The following LHX1 variants were observed in gnomAD, a reference collection of about 807,000 sequenced individuals.
LHX1 encodes the protein LIM/homeobox protein Lhx1.
A neutral mutation model predicts 34.1 loss-of-function variants in LHX1; 9 were observed. The observed-to-expected ratio is 0.26, with a 90% CI of 0.16 to 0.46. The LOEUF is 0.46. Among genes scored for constraint, LHX1 ranks in the 20% least tolerant of loss-of-function variants. The pLI, the probability that LHX1 is intolerant of heterozygous loss-of-function variation, is 1.00. For synonymous variants in LHX1, 254 were observed against 241.5 expected (o/e 1.05, Z -0.48); for missense variants, 446 against 559.1 (o/e 0.80, Z 2.04).
Position 36,938,128 on chromosome 17 carries a change from C to A in LHX1, c.-70C>A. On this transcript the variant is annotated 5_prime_UTR_variant, in exon 1 of 5. Transcript: ENST00000614239. ...CTGGGGAGCTCGTGCCGATTGTCTT[C>A]AGGAGTCATCCCCTGGGCTCTACTT... 1 of 1,497,284 alleles carries A rather than the reference C, an allele frequency of 6.7e-7. No homozygotes were observed. The highest frequency in any genetic ancestry group is 9.3e-7 in the Non-Finnish European group (1 of 1,076,814). The allele number at this position is 1,497,284 out of a possible 1,614,324, so 92.7% of individuals were successfully genotyped here. A position where few individuals can be genotyped will look rare whatever the true frequency, so the allele number is the denominator to read the frequency against.
Position 36,938,190 on chromosome 17 carries a change from C to G in LHX1, c.-8C>G. 4 of 1,613,412 alleles carry G rather than the reference C, an allele frequency of 2.5e-6. No homozygotes were observed. The highest frequency in any genetic ancestry group is 3.4e-6 in the Non-Finnish European group (4 of 1,180,024). ...CTCTCTGGGCCTCATCAGACCAAAC[C>G]AAAGACCATGGTTCACTGTGCCGGC... On this transcript the variant is annotated 5_prime_UTR_variant, in exon 1 of 5. Coordinates refer to ENST00000614239, the MANE Select transcript of LHX1 (RefSeq NM_005568.5).
Position 36,942,197 on chromosome 17 carries a change from C to T in LHX1, c.676-3C>T, listed in dbSNP as rs1168818991. 6.3e-7 allele frequency: 1 copy of T among 1,589,432 alleles called. No homozygotes were observed. Among genetic ancestry groups the T allele is most frequent in the Non-Finnish European group, 8.5e-7 (1 of 1,174,902 alleles). On this transcript the variant is annotated splice_polypyrimidine_tract_variant and splice_region_variant and intron_variant, in intron 3 of 4. Transcript: ENST00000614239. The stretch of plus-strand genomic sequence containing the variant: ...GGCCTCACCCCGCCGCCATGTGCTG[C>T]AGGTCTGGTTCCAGAACCGGCGCTC...
chr17:36,942,880 C>G lies in LHX1; in HGVS notation c.970C>G (p.Leu324Val), dbSNP rs754950912. ...GTCATCTGGGCCGTCCGGGACGCCC[C>G]TGGGTGGCCTGGAGCACCCGCTGCC... The part of the protein sequence containing the change: ...VPSSGPSGTP[L>V]GGLEHPLPGH... Residue 324 changes from leucine (L) to valine (V), a missense_variant, in exon 5 of 5, where the codon CTG becomes GTG. Coordinates refer to ENST00000614239, the MANE Select transcript of LHX1 (RefSeq NM_005568.5). The G allele has an allele frequency of 1.3e-6, 2 of 1,594,184 alleles. No individual in the cohort carries two copies. Among genetic ancestry groups the G allele is most frequent in the Non-Finnish European group, 1.7e-6 (2 of 1,170,328 alleles).
Position 36,944,357 on chromosome 17 carries a change from G to A in LHX1, c.*1226G>A, listed in dbSNP as rs974319076. The A allele has an allele frequency of 6.6e-5, 10 of 150,662 alleles. No individual in the cohort carries two copies. The highest frequency in any genetic ancestry group is 2.4e-4 in the African/African-American group (10 of 40,984). The allele number at this position is 150,662 out of a possible 1,614,324, so 9.3% of individuals were successfully genotyped here. On this transcript the variant is annotated 3_prime_UTR_variant, in exon 5 of 5. Coordinates refer to ENST00000614239, the MANE Select transcript of LHX1 (RefSeq NM_005568.5). The stretch of plus-strand genomic sequence containing the variant: ...TGAACATTCATGGAATTGTTAATAT[G>A]ACTTATATAGACCCACACAGGTTTT...
rs1392936544 is a variant in LHX1 at position 36,937,908 on chromosome 17, G to T, written c.-290G>T. ...GAGCAGAAGGGTCGCATTCTCTCCCGCCTGAGACTTCTTTTCCTCGCCCCG... is the reference window on the plus strand; with the variant it reads ...GAGCAGAAGGGTCGCATTCTCTCCCTCCTGAGACTTCTTTTCCTCGCCCCG... On this transcript the variant is annotated 5_prime_UTR_variant, in exon 1 of 5. Transcript: ENST00000614239. 4 of 591,000 alleles carry T rather than the reference G, an allele frequency of 6.8e-6. No homozygotes were observed. In the Admixed American group the frequency reaches 7.9e-5, roughly 12 times the overall value. The allele number at this position is 591,000 out of a possible 1,614,324, so 36.6% of individuals were successfully genotyped here.
chr17:36,938,224 G>A lies in LHX1; in HGVS notation c.27G>A (p.Arg9=), dbSNP rs753101334. Reference sequence around the variant, plus strand: ...TGGTTCACTGTGCCGGCTGCAAAAGGCCCATCCTGGACCGCTTTCTCTTGA... The same window carrying A: ...TGGTTCACTGTGCCGGCTGCAAAAGACCCATCCTGGACCGCTTTCTCTTGA... The part of the protein sequence containing the change: MVHCAGCK[R]PILDRFLLNV... Residue 9 remains arginine (R), a synonymous_variant, in exon 1 of 5, where the codon AGG becomes AGA. Coordinates refer to ENST00000614239, the MANE Select transcript of LHX1 (RefSeq NM_005568.5). 2.9e-5 allele frequency: 46 copies of A among 1,614,026 alleles called. No individual in the cohort carries two copies. The highest frequency in any genetic ancestry group is 3.8e-5 in the Non-Finnish European group (45 of 1,180,012).
chr17:36,937,028 C>T (rs1296103224), upstream of LHX1: 5 of 245,828 alleles, frequency 2.0e-5, no homozygotes, highest in Non-Finnish European at 4.0e-5. Context: ...ACTCCTCCCG[C>T]TGCAAAAGAA....
Position 36,937,966 on chromosome 17 carries a change from C to T in LHX1, c.-232C>T. On this transcript the variant is annotated 5_prime_UTR_variant, in exon 1 of 5. Transcript: ENST00000614239. ...AGGCGGCGCCGCTCCAGCCCGGGGC[C>T]CCGGGACTCCCCGGCTGCACACTTC... 1 of 603,186 alleles carries T rather than the reference C, an allele frequency of 1.7e-6. No homozygotes were observed. Among genetic ancestry groups the T allele is most frequent in the Non-Finnish European group, 3.0e-6 (1 of 338,020 alleles). 37.4% of individuals were successfully genotyped at this position (603,186 alleles called of 1,614,324 possible). A position where few individuals can be genotyped will look rare whatever the true frequency, so the allele number is the denominator to read the frequency against.
intron 3 of LHX1, among the ~76,000 whole-genome samples, chr17:36,941,990 C>T (rs1031738319): frequency 6.6e-6 from 1 of 152,208 alleles, no homozygotes; most frequent in Non-Finnish European, 1.5e-5. Context: ...TCCAGGTCCT[C>T]CTGTGGGATT....
In LHX1 at chr17:36,940,302, C is replaced by T. The variant is rs1362230647; in HGVS notation, c.183C>T (p.Thr61=). ...CKNDFFRCFG[T]KCAGCAQGIS... ...CACCCCCCCGCAGGTGTTTCGGTAC[C>T]AAATGCGCAGGCTGCGCTCAGGGCA... Residue 61 remains threonine (T), a synonymous_variant, in exon 2 of 5, where the codon ACC becomes ACT. Transcript: ENST00000614239. 2 of 1,034,744 alleles carry T rather than the reference C, an allele frequency of 1.9e-6. No homozygotes were observed. Among genetic ancestry groups the T allele is most frequent in the East Asian group, 4.3e-5 (1 of 23,470 alleles). The allele number at this position is 1,034,744 out of a possible 1,614,324, so 64.1% of individuals were successfully genotyped here. A position where few individuals can be genotyped will look rare whatever the true frequency, so the allele number is the denominator to read the frequency against.
intron 3 of LHX1, 72 bp from the exon 4 acceptor site, chr17:36,942,128 T>A (rs555088977): frequency 9.2e-5 from 137 of 1,495,368 alleles, no homozygotes; most frequent in Non-Finnish European, 1.1e-4. Flanking sequence ...GAAGGGGTGC[T>A]GGCTAGGCCC....
At chr17:36,937,145 G>A (rs886989270), upstream of LHX1, 10 of 430,990 alleles carry the variant, frequency 2.3e-5, no homozygotes, top group Non-Finnish European at 4.6e-5. Context: ...AGCGACTGTG[G>A]GGTTAGACGG....
At position 36,940,453 on chromosome 17, in the gene LHX1, T is replaced by C. The variant is rs1475823514; in HGVS notation, c.334T>C (p.Phe112Leu). Residue 112 changes from phenylalanine (F) to leucine (L), a missense_variant, in exon 2 of 5, where the codon TTC becomes CTC. By Grantham distance (22) the Phe-to-Leu change is conservative. This residue lies in a region of LHX1 where 168 missense variants were observed against 226.6 expected (regional missense o/e 0.74). Transcript: ENST00000614239. The stretch of plus-strand genomic sequence containing the variant: ...ACTCTACATCATCGACGAGAATAAG[T>C]TCGTCTGCAAAGAGGATTACCTAAG... ...EELYIIDENKFVCKEDYLSNS... is the reference protein window; with the variant it reads ...EELYIIDENKLVCKEDYLSNS... 6.2e-7 allele frequency: 1 copy of C among 1,613,992 alleles called. No individual in the cohort carries two copies. Among genetic ancestry groups the C allele is most frequent in the Non-Finnish European group, 8.5e-7 (1 of 1,180,054 alleles).
intron 1 of LHX1, among the ~76,000 whole-genome samples, chr17:36,939,630 G>T (rs2070751063): frequency 6.6e-6 from 1 of 152,242 alleles, no homozygotes; most frequent in Admixed American, 6.5e-5. Context: ...CCTGAGCCTG[G>T]CTTCCACAAC....
chr17:36,943,677 C>A lies in LHX1; in HGVS notation c.*546C>A, dbSNP rs973395319. 6.6e-6 allele frequency: 1 copy of A among 152,410 alleles called. No individual in the cohort carries two copies. The highest frequency in any genetic ancestry group is 2.4e-5 in the African/African-American group (1 of 41,442). The allele number at this position is 152,410 out of a possible 1,614,324, so 9.4% of individuals were successfully genotyped here. ...ACTCTTATAGCTTCAGAAACGCCGA[C>A]CTGCCGTGCATCAGGTGGGACTATA... On this transcript the variant is annotated 3_prime_UTR_variant, in exon 5 of 5. Coordinates refer to ENST00000614239, the MANE Select transcript of LHX1 (RefSeq NM_005568.5).
rs537292531 is a variant in LHX1 at position 36,940,279 on chromosome 17, C to T, written c.171-11C>T. The T allele has an allele frequency of 4.2e-6, 4 of 962,352 alleles. No individual in the cohort carries two copies. The highest frequency in any genetic ancestry group is 6.1e-6 in the Non-Finnish European group (4 of 656,046). The allele number at this position is 962,352 out of a possible 1,614,324, so 59.6% of individuals were successfully genotyped here. A position where few individuals can be genotyped will look rare whatever the true frequency, so the allele number is the denominator to read the frequency against. ...TCCCCGCCCCCGCCCCCCACCCCCA[C>T]CCCCCCGCAGGTGTTTCGGTACCAA... On this transcript the variant is annotated splice_polypyrimidine_tract_variant and intron_variant, in intron 1 of 4. Transcript: ENST00000614239.
Position 36,940,666 on chromosome 17 carries a change from G to T in LHX1, c.454G>T (p.Asp152Tyr), listed in dbSNP as rs765443227. The T allele has an allele frequency of 6.2e-7, 1 of 1,613,868 alleles. No homozygotes were observed. The highest frequency in any genetic ancestry group is 1.7e-5 in the Admixed American group (1 of 60,034). ...SPDSQDPSQD[D>Y]AKDSESANVS... ...GGATTCCCAAGACCCGTCGCAGGAC[G>T]ACGCCAAGGACTCGGAGAGCGCCAA... Residue 152 changes from aspartate (D) to tyrosine (Y), a missense_variant, in exon 3 of 5, where the codon GAC becomes TAC. Around this residue, in one of 3 missense-constraint regions of LHX1, gnomAD observed 168 missense variants for 226.6 expected, o/e 0.74. Coordinates refer to ENST00000614239, the MANE Select transcript of LHX1 (RefSeq NM_005568.5).
chr17:36,942,611 AGGCCCGCGAGGGCTCCCCGC>A, intron 4 of LHX1, 121 bp from the exon 5 acceptor site: 1 of 1,034,030 alleles, frequency 9.7e-7, no homozygotes, highest in Non-Finnish European at 1.4e-6. Flanking sequence ...CCCTGCACCC[AGGCCCGCGAGGGCTCCCCGC>A]GATCCGCGAG....
chr17:36,940,519 G>A lies in LHX1; in HGVS notation c.397+3G>A, dbSNP rs2070757811. The A allele has an allele frequency of 6.2e-7, 1 of 1,613,846 alleles. No homozygotes were observed. The highest frequency in any genetic ancestry group is 8.5e-7 in the Non-Finnish European group (1 of 1,180,022). On this transcript the variant is annotated splice_donor_region_variant and intron_variant, in intron 2 of 4. Transcript: ENST00000614239. ...CAAAGAGAACAGCCTTCACTCGGGT[G>A]AGGCCCCAATTCCTGGCTGGCTAGG... is the stretch of plus-strand genomic sequence containing the variant.
Sources: gnomAD v4.1 joint callset for allele counts (sites outside exome capture counted in the v4.1 genomes callset) on GRCh38, gnomAD v4.1.1 for gene constraint, gnomAD v4.1.1 regional missense constraint, MANE v1.5 for transcripts, NCBI Gene and HGNC (gene_info 2026-07-23, HGNC 2026-07-21) for gene names.